The following EYS variants were observed in gnomAD, a reference collection of about 807,000 sequenced individuals.
The protein encoded by EYS is protein eyes shut homolog.
A neutral mutation model predicts 282.1 loss-of-function variants in EYS; 250 were observed. The ratio of observed to expected loss-of-function variants is 0.89; its 90% CI spans 0.80 to 0.98. The LOEUF is 0.98. Among genes scored for constraint, EYS ranks in the 50% least tolerant of loss-of-function variants. EYS has a pLI of 0.00. For missense variants in EYS, 4,016 were observed against 3,709.0 expected (o/e 1.08, Z -2.15); for synonymous variants, 1,355 against 1,282.9 (o/e 1.06, Z -1.20).
intron 28 of EYS, among the ~76,000 whole-genome samples, chr6:64,403,707 G>C (rs1228050332): frequency 6.6e-6 from 1 of 151,972 alleles, no homozygotes; most frequent in Non-Finnish European, 1.5e-5. Context: ...TCCTATCATG[G>C]GCAATCCTGA....
At chr6:64,618,535 T>A (rs138345011) in intron 23 of EYS, among the ~76,000 whole-genome samples, 224 of 152,346 alleles carry the variant, frequency 1.5e-3, no homozygotes, top group African/African-American at 5.1e-3. Flanking sequence ...TAAAATTTAA[T>A]TATTGTTTAT....
intron 35 of EYS, among the ~76,000 whole-genome samples, chr6:63,923,430 A>C (rs1022022716): frequency 1.3e-5 from 2 of 152,210 alleles, no homozygotes; most frequent in African/African-American, 4.8e-5. Context: ...AAGGTCATTA[A>C]AATTATAGGT....
At chr6:65,506,647 A>ATTT (rs35607551) in intron 2 of EYS, among the ~76,000 whole-genome samples, 9 of 146,512 alleles carry the variant, frequency 6.1e-5, no homozygotes, top group African/African-American at 1.7e-4. Context: ...CAGACTATGA[A>ATTT]TTTTTTTTTT....
chr6:64,127,785 G>A (rs1327380479), intron 31 of EYS, among the ~76,000 whole-genome samples: 1 of 152,106 alleles, frequency 6.6e-6, no homozygotes, highest in Non-Finnish European at 1.5e-5. Flanking sequence ...GATTCATAGA[G>A]TTTTGAAACT....
At chr6:64,829,645 G>A (rs1040692026) in intron 19 of EYS, among the ~76,000 whole-genome samples, 3 of 151,996 alleles carry the variant, frequency 2.0e-5, no homozygotes, top group South Asian at 2.1e-4. Context: ...ACTACTAGGT[G>A]TAACTGAGGT....
At position 65,131,447 on chromosome 6, in the gene EYS, A is replaced by AAATTTG. The variant is rs567481372; in HGVS notation, c.2024-73721_2024-73720insCAAATT. On this transcript the variant is annotated intron_variant, in intron 12 of 42. Transcript: ENST00000503581. The stretch of plus-strand genomic sequence containing the variant: ...AAAAATCACTCAAAACTGTGCAATT[A>AAATTTG]CATGAAAATTAAACAATATGCTCCT... Among the ~76,000 whole-genome samples the AAATTTG allele has an allele frequency of 1.9e-3, 295 of 152,138 alleles. 2 individuals carry two copies. The highest frequency in any genetic ancestry group is 6.5e-3 in the African/African-American group (271 of 41,542).
intron 33 of EYS, among the ~76,000 whole-genome samples, chr6:64,035,036 G>A (rs1347971021): frequency 3.3e-5 from 5 of 152,184 alleles, no homozygotes; most frequent in Non-Finnish European, 5.9e-5. Context: ...ACAGCTGAAG[G>A]GTGGGGTGGA....
chr6:65,367,453 A>G (rs80259535), intron 8 of EYS, among the ~76,000 whole-genome samples: 2 of 151,836 alleles, frequency 1.3e-5, no homozygotes, highest in East Asian at 3.9e-4. Flanking sequence ...CTGTTTCAGC[A>G]CTAGTAAAGA....
At chr6:64,470,267 C>A (rs1288277312) in intron 26 of EYS, among the ~76,000 whole-genome samples, 1 of 151,946 alleles carries the variant, frequency 6.6e-6, no homozygotes, top group Non-Finnish European at 1.5e-5. Context: ...TGGGGCTGGA[C>A]CCTACACTAG....
At chr6:65,298,308 C>A (rs575762163) in intron 11 of EYS, among the ~76,000 whole-genome samples, 2 of 151,950 alleles carry the variant, frequency 1.3e-5, no homozygotes, top group Non-Finnish European at 2.9e-5. Flanking sequence ...TGCCAGTTAA[C>A]TATTAGGATC....
chr6:63,827,563 G>A (rs370342484), intron 36 of EYS, among the ~76,000 whole-genome samples: 9 of 152,186 alleles, frequency 5.9e-5, no homozygotes, highest in East Asian at 1.9e-4. Flanking sequence ...AAATTACATC[G>A]GCCGGGCGCG....
At chr6:64,781,196 TAATG>T (rs1458702772) in intron 22 of EYS, among the ~76,000 whole-genome samples, 1 of 152,112 alleles carries the variant, frequency 6.6e-6, no homozygotes, top group Non-Finnish European at 1.5e-5. Context: ...TTCAGGTAAA[TAATG>T]AACATTTTTT....
intron 28 of EYS, among the ~76,000 whole-genome samples, chr6:64,405,976 A>G (rs1006844917): frequency 6.6e-6 from 1 of 152,164 alleles, no homozygotes; most frequent in Non-Finnish European, 1.5e-5. Flanking sequence ...TTCACATGGA[A>G]CCAAAAAAAA....
At chr6:63,995,827 T>C (rs1767809274) in intron 34 of EYS, among the ~76,000 whole-genome samples, 1 of 151,784 alleles carries the variant, frequency 6.6e-6, no homozygotes, top group Admixed American at 6.6e-5. Flanking sequence ...AAGAAAAACA[T>C]TGGTCAAAGG....
chr6:64,236,568 A>G (rs572185492), intron 30 of EYS, among the ~76,000 whole-genome samples: 39 of 152,236 alleles, frequency 2.6e-4, no homozygotes, highest in African/African-American at 8.7e-4. Flanking sequence ...AGTTCTCCAT[A>G]TCCTTGTTGG....
At chr6:64,448,890 A>G (rs1282160891) in intron 26 of EYS, among the ~76,000 whole-genome samples, 1 of 152,142 alleles carries the variant, frequency 6.6e-6, no homozygotes, top group East Asian at 1.9e-4. Flanking sequence ...GGTAGATAAA[A>G]CCACAAAGAT....
chr6:65,451,458 T>C (rs1358907708), intron 5 of EYS, among the ~76,000 whole-genome samples: 1 of 152,102 alleles, frequency 6.6e-6, no homozygotes, highest in East Asian at 1.9e-4. Context: ...CTAATAATTC[T>C]TCTTTCAATG....
At position 65,405,297 on chromosome 6, in the gene EYS, A is replaced by G. The variant is rs775997101; in HGVS notation, c.933T>C (p.Asn311=). Residue 311 remains asparagine, a synonymous_variant, in exon 6 of 43, where the codon AAT becomes AAC. Coordinates refer to ENST00000503581, the MANE Select transcript of EYS (RefSeq NM_001142800.2). ...ATTCATAAGTATAAGCAGAACTGCT[A>G]TTTGGGCAAATTCCTCTTTTCCAAA... The part of the protein sequence containing the change: ...LLFWKRGICP[N]SSSAYTYECP... The G allele has an allele frequency of 6.2e-7, 1 of 1,613,156 alleles. No individual in the cohort carries two copies. Among genetic ancestry groups the G allele is most frequent in the East Asian group, 2.2e-5 (1 of 44,790 alleles).
intron 7 of EYS, among the ~76,000 whole-genome samples, chr6:65,389,907 T>TTTTTAAAA (rs1765949247): frequency 6.6e-6 from 1 of 152,096 alleles, no homozygotes; most frequent in Non-Finnish European, 1.5e-5. Context: ...TGTGTAAGTA[T>TTTTTAAAA]GTTTTTTAAA....
Sources: gnomAD v4.1 joint callset for allele counts (sites outside exome capture counted in the v4.1 genomes callset) on GRCh38, gnomAD v4.1.1 for gene constraint, MANE v1.5 for transcripts, NCBI Gene and HGNC (gene_info 2026-07-23, HGNC 2026-07-21) for gene names.